Variants in TLL1 observed in about 807,000 individuals in gnomAD.
The protein encoded by TLL1 is tolloid like 1, also known as tolloid-like protein 1.
Under a neutral mutation model 128.2 loss-of-function variants are expected in TLL1, and 49 were observed. The observed-to-expected ratio is 0.38, with a 90% CI of 0.30 to 0.48. The LOEUF is 0.48. Among genes scored for constraint, TLL1 ranks in the 20% least tolerant of loss-of-function variants. The pLI, the probability that TLL1 is intolerant of heterozygous loss-of-function variation, is 0.96. For missense variants in TLL1, 1,123 were observed against 1,242.0 expected, an observed-to-expected ratio of 0.90 and a Z score of 1.44; for synonymous variants, 454 against 418.8, an observed-to-expected ratio of 1.08 and a Z score of -1.03.
In TLL1 at chr4:166,062,491, A is replaced by G. The variant is rs188828608; in HGVS notation, c.2007+2303A>G. ...TTCTCTTTGAAGCAATTGTGAATGG[A>G]AGTTCACTCATGATTTGGCTCTCTG... On this transcript the variant is annotated intron_variant, in intron 15 of 20. Transcript: ENST00000061240. Among the ~76,000 whole-genome samples, 136 of 152,190 alleles carry G rather than the reference A, an allele frequency of 8.9e-4. 1 individual carries two copies. Among genetic ancestry groups the G allele is most frequent in the African/African-American group, 3.2e-3 (132 of 41,540 alleles).
chr4:166,020,992 G>A (rs1211182809), intron 8 of TLL1, among the ~76,000 whole-genome samples: 1 of 152,164 alleles, frequency 6.6e-6, no homozygotes, highest in Non-Finnish European at 1.5e-5. Flanking sequence ...GCACATTTAT[G>A]TGGAGGCTGT....
chr4:166,099,044 C>T (rs137934198), intron 19 of TLL1, among the ~76,000 whole-genome samples: 1 of 152,194 alleles, frequency 6.6e-6, no homozygotes, highest in African/African-American at 2.4e-5. Context: ...TACCCAGAGT[C>T]ACAGAGCCAG....
At chr4:166,000,742 T>A (rs1737111269) in intron 5 of TLL1, among the ~76,000 whole-genome samples, 1 of 152,182 alleles carries the variant, frequency 6.6e-6, no homozygotes, top group Non-Finnish European at 1.5e-5. Context: ...CTTCATCTAA[T>A]ATATTTTTAG....
intron 12 of TLL1, among the ~76,000 whole-genome samples, chr4:166,052,720 G>A (rs1739801456): frequency 6.6e-6 from 1 of 151,898 alleles, no homozygotes; most frequent in Non-Finnish European, 1.5e-5. Context: ...GGTGAATCAG[G>A]AGCAGTTCAT....
intron 2 of TLL1, among the ~76,000 whole-genome samples, chr4:165,989,700 G>C (rs916566209): frequency 6.9e-6 from 1 of 144,218 alleles, no homozygotes. Flanking sequence ...TGTAGTATTT[G>C]CTACATACTA....
chr4:166,035,054 T>C lies in TLL1; in HGVS notation c.1159-4285T>C, dbSNP rs538082259. ...GCTTAATCAGCTTCCAGTGGTCACT[T>C]CTTAATACTATCACTTTGAAATTTA... On this transcript the variant is annotated intron_variant, in intron 9 of 20. Transcript: ENST00000061240. 3.9e-5 allele frequency among the ~76,000 whole-genome samples: 6 copies of C among 152,308 alleles called. No individual in the cohort carries two copies. The South Asian group carries it at 1.2e-3, about 32-fold the overall frequency.
At chr4:166,085,482 T>C (rs1741467079) in intron 18 of TLL1, among the ~76,000 whole-genome samples, 1 of 150,354 alleles carries the variant, frequency 6.7e-6, no homozygotes. Context: ...GAGGTTTTTT[T>C]TTTATCATGA....
chr4:166,045,864 C>T (rs1160825667), intron 12 of TLL1, among the ~76,000 whole-genome samples: 2 of 152,172 alleles, frequency 1.3e-5, no homozygotes, highest in African/African-American at 4.8e-5. Flanking sequence ...TGCTTAATTA[C>T]TGCCTTCTTA....
At position 166,083,223 on chromosome 4, in the gene TLL1, TAAGA is replaced by T. The variant is rs1324307671; in HGVS notation, c.2442+5203_2442+5206del. On this transcript the variant is annotated intron_variant, in intron 18 of 20. Coordinates refer to ENST00000061240, the MANE Select transcript of TLL1 (RefSeq NM_012464.5). ...TTTTTCTTTAGGCAGGGTGGGAAAA[TAAGA>T]AAGAAAGAATTTTTTTTCTTTTTTA... 9.1e-5 allele frequency among the ~76,000 whole-genome samples: 6 copies of T among 65,878 alleles called. 3 individuals are homozygous for T. Among genetic ancestry groups the T allele is most frequent in the Non-Finnish European group, 9.8e-5 (2 of 20,422 alleles). 43.2% of individuals were successfully genotyped at this position (65,878 alleles called of 152,430 possible).
At chr4:166,050,326 T>C (rs774329218) in intron 12 of TLL1, among the ~76,000 whole-genome samples, 16 of 152,216 alleles carry the variant, frequency 1.1e-4, no homozygotes, top group Non-Finnish European at 1.3e-4. Context: ...TACCACATTT[T>C]ATTTATCCAT....
chr4:165,966,056 G>T (rs907280057), intron 1 of TLL1, among the ~76,000 whole-genome samples: 6 of 151,898 alleles, frequency 4.0e-5, no homozygotes, highest in Non-Finnish European at 8.8e-5. Context: ...GTGGGCGCCT[G>T]TAATCCCAGC....
chr4:166,072,838 G>T (rs1212627552), intron 16 of TLL1, among the ~76,000 whole-genome samples: 1 of 151,874 alleles, frequency 6.6e-6, no homozygotes, highest in Non-Finnish European at 1.5e-5. Flanking sequence ...GGTGATTCAG[G>T]CCATCTCTGC....
At chr4:165,875,239 C>T (rs1360059860) in intron 1 of TLL1, among the ~76,000 whole-genome samples, 2 of 152,162 alleles carry the variant, frequency 1.3e-5, no homozygotes, top group Admixed American at 1.3e-4. Context: ...ACTAGCTTTT[C>T]TTCCCTTCCA....
At chr4:165,967,922 C>T (rs774473728) in intron 1 of TLL1, among the ~76,000 whole-genome samples, 1 of 152,104 alleles carries the variant, frequency 6.6e-6, no homozygotes, top group Non-Finnish European at 1.5e-5. Flanking sequence ...TCATGATTAG[C>T]CTATTTAAGG....
At chr4:165,923,421 CT>C (rs758162016) in intron 1 of TLL1, among the ~76,000 whole-genome samples, 352 of 70,806 alleles carry the variant, frequency 5.0e-3, no homozygotes, top group African/African-American at 0.015. Context: ...ATAGGTATAC[CT>C]TTTTTTTTTT....
In TLL1 at chr4:165,912,674, A is replaced by G. The variant is rs7678878; in HGVS notation, c.169+38601A>G. 7.1e-3 allele frequency among the ~76,000 whole-genome samples: 936 copies of G among 132,642 alleles called. 5 individuals are homozygous for G. The highest frequency in any genetic ancestry group is 0.036 in the African/African-American group (838 of 23,472). The allele number at this position is 132,642 out of a possible 152,430, so 87.0% of individuals were successfully genotyped here. On this transcript the variant is annotated intron_variant, in intron 1 of 20. Coordinates refer to ENST00000061240, the MANE Select transcript of TLL1 (RefSeq NM_012464.5). ...GCCAAGTCGATTTCCTCCTCGTTCC[A>G]TAGTTGTTCAATAGAATGTGAGAAG...
intron 1 of TLL1, among the ~76,000 whole-genome samples, chr4:165,952,345 G>A (rs1384521758): frequency 5.9e-5 from 9 of 152,124 alleles, no homozygotes; most frequent in Admixed American, 5.9e-4. Flanking sequence ...CTTCCAGAAA[G>A]CATTTGGAAC....
intron 1 of TLL1, among the ~76,000 whole-genome samples, chr4:165,954,777 T>C (rs1734698190): frequency 6.6e-6 from 1 of 151,646 alleles, no homozygotes; most frequent in African/African-American, 2.4e-5. Context: ...CCAAGAGAAA[T>C]AAGGAATATA....
In TLL1 at chr4:165,876,337, TC is replaced by T. The variant is rs1215065587; in HGVS notation, c.169+2265del. ...ACTACATTGAAATCCCAAGCAAGAG[TC>T]AAAAAAAAAAATCACTGAAATAAGG... On this transcript the variant is annotated intron_variant, in intron 1 of 20. Coordinates refer to ENST00000061240, the MANE Select transcript of TLL1 (RefSeq NM_012464.5). Among the ~76,000 whole-genome samples the T allele has an allele frequency of 8.2e-4, 87 of 105,638 alleles. 1 individual carries two copies. The highest frequency in any genetic ancestry group is 8.8e-3 in the Middle Eastern group (2 of 226). The allele number at this position is 105,638 out of a possible 152,430, so 69.3% of individuals were successfully genotyped here.
Sources: allele counts gnomAD v4.1 joint callset (sites outside exome capture counted in the v4.1 genomes callset), GRCh38; gene constraint gnomAD v4.1.1; transcripts MANE v1.5; gene names NCBI Gene and HGNC (gene_info 2026-07-23, HGNC 2026-07-21).